The following PPP6R3 variants were observed in gnomAD, a reference collection of about 807,000 sequenced individuals.
The protein encoded by PPP6R3 is protein phosphatase 6 regulatory subunit 3.
PPP6R3 carries 38 observed loss-of-function variants against 110.7 expected under a neutral mutation model. That is an observed-to-expected ratio of 0.34 (90% CI 0.26 to 0.45). The LOEUF (loss-of-function observed/expected upper bound fraction) is 0.45, where lower values mean the gene tolerates loss of function less well. Among genes scored for constraint, PPP6R3 ranks in the 20% least tolerant of loss-of-function variants. The probability of loss-of-function intolerance (pLI) is 1.00; values close to 1 mark genes in which losing one functional copy is unlikely to be tolerated. For synonymous variants in PPP6R3, 369 were observed against 373.5 expected (o/e 0.99, Z 0.14); for missense variants, 870 against 1,062.4 (o/e 0.82, Z 2.52).
intron 22 of PPP6R3, among the ~76,000 whole-genome samples, chr11:68,604,439 T>G (rs2153952983): frequency 6.6e-6 from 1 of 152,356 alleles, no homozygotes; most frequent in East Asian, 1.9e-4. Flanking sequence ...CTAGAAAATC[T>G]AGAGTAGACT....
At chr11:68,504,486 T>C (rs2099064830) in intron 1 of PPP6R3, among the ~76,000 whole-genome samples, 1 of 152,240 alleles carries the variant, frequency 6.6e-6, no homozygotes. Context: ...ATTTCATATA[T>C]GTACTGAGTT....
rs1396110427 is a variant in PPP6R3, at chr11:68,489,898, G to A, written c.-158+29071G>A. On this transcript the variant is annotated intron_variant, in intron 1 of 23. Coordinates refer to ENST00000393800, the MANE Select transcript of PPP6R3 (RefSeq NM_001164161.2). ...AGTAATAACAAATATTTCTGATTCCGCCTTCCTGTCTCATTGTTGCCATTC... is the reference window on the plus strand; with the variant it reads ...AGTAATAACAAATATTTCTGATTCCACCTTCCTGTCTCATTGTTGCCATTC... Among the ~76,000 whole-genome samples, 4 of 151,932 alleles carry A rather than the reference G, an allele frequency of 2.6e-5. No homozygotes were observed. The East Asian group carries it at 5.8e-4, about 22-fold the overall frequency.
intron 1 of PPP6R3, among the ~76,000 whole-genome samples, chr11:68,487,423 GC>G (rs2098954870): frequency 6.6e-6 from 1 of 152,028 alleles, no homozygotes; most frequent in Non-Finnish European, 1.5e-5. Flanking sequence ...ACAAAAATTA[GC>G]CGGGGCATGG....
rs142948082 is a variant in PPP6R3, at chr11:68,501,151, A to G, written c.-157-18350A>G. Among the ~76,000 whole-genome samples, 287 of 152,160 alleles carry G rather than the reference A, an allele frequency of 1.9e-3. 1 individual carries two copies. Among genetic ancestry groups the G allele is most frequent in the African/African-American group, 6.6e-3 (272 of 41,498 alleles). ...TTCCTTCTCTTGTTGCCAGTTTTGG[A>G]GTTGTGATGAACAATATGTTAAGGG... On this transcript the variant is annotated intron_variant, in intron 1 of 23. Coordinates refer to ENST00000393800, the MANE Select transcript of PPP6R3 (RefSeq NM_001164161.2).
intron 10 of PPP6R3, among the ~76,000 whole-genome samples, chr11:68,569,014 C>A (rs1291680099): frequency 6.6e-6 from 1 of 152,156 alleles, no homozygotes; most frequent in Non-Finnish European, 1.5e-5. Context: ...CCCGCCTCGG[C>A]CTCCCAGAGT....
chr11:68,477,750 A>ATATG (rs1454908011), intron 1 of PPP6R3, among the ~76,000 whole-genome samples: 2 of 134,314 alleles, frequency 1.5e-5, no homozygotes, highest in Non-Finnish European at 3.2e-5. Flanking sequence ...AAATATATAT[A>ATATG]TATATATATA....
chr11:68,479,970 G>T (rs1232637914), intron 1 of PPP6R3, among the ~76,000 whole-genome samples: 1 of 151,882 alleles, frequency 6.6e-6, no homozygotes, highest in Non-Finnish European at 1.5e-5. Flanking sequence ...GGGCTCAAGT[G>T]ATTATCCTGC....
chr11:68,539,970 A>G (rs2099302695), intron 3 of PPP6R3, among the ~76,000 whole-genome samples: 1 of 152,234 alleles, frequency 6.6e-6, no homozygotes, highest in Admixed American at 6.5e-5. Flanking sequence ...GTGTGGAAGC[A>G]CTAATGTGCT....
chr11:68,472,327 AT>A (rs1424874122), intron 1 of PPP6R3, among the ~76,000 whole-genome samples: 2 of 152,128 alleles, frequency 1.3e-5, no homozygotes, highest in East Asian at 3.8e-4. Flanking sequence ...CAGACTGAAT[AT>A]GTCTCATTTT....
intron 1 of PPP6R3, among the ~76,000 whole-genome samples, chr11:68,476,474 G>A (rs1349702316): frequency 6.7e-6 from 1 of 148,910 alleles, no homozygotes; most frequent in Non-Finnish European, 1.5e-5. Flanking sequence ...GAGGGGGAGG[G>A]GGAGGGGGAG....
intron 1 of PPP6R3, among the ~76,000 whole-genome samples, chr11:68,475,260 G>C (rs1353842202): frequency 6.6e-6 from 1 of 152,182 alleles, no homozygotes; most frequent in Non-Finnish European, 1.5e-5. Context: ...AGCATCCCAA[G>C]GCAGAAGAAT....
At chr11:68,498,862 T>TA (rs1200515362) in intron 1 of PPP6R3, among the ~76,000 whole-genome samples, 1 of 152,210 alleles carries the variant, frequency 6.6e-6, no homozygotes, top group Non-Finnish European at 1.5e-5. Context: ...TGCTAGGGCA[T>TA]AGAGGTATAT....
chr11:68,485,912 G>A (rs2098944008), intron 1 of PPP6R3, among the ~76,000 whole-genome samples: 2 of 151,800 alleles, frequency 1.3e-5, no homozygotes, highest in Admixed American at 6.6e-5. Flanking sequence ...GCTCACACCT[G>A]TAATCTCAAC....
At chr11:68,492,680 AGGAGCT>A (rs1039166610) in intron 1 of PPP6R3, among the ~76,000 whole-genome samples, 2 of 152,126 alleles carry the variant, frequency 1.3e-5, no homozygotes, top group Non-Finnish European at 1.5e-5. Context: ...TACTTTTTTG[AGGAGCT>A]GCCATACTGT....
intron 6 of PPP6R3, among the ~76,000 whole-genome samples, chr11:68,552,337 C>T (rs574681407): frequency 6.6e-6 from 1 of 152,308 alleles, no homozygotes; most frequent in African/African-American, 2.4e-5. Flanking sequence ...ATGGAGGCTC[C>T]TCTCTCTCAC....
intron 6 of PPP6R3, among the ~76,000 whole-genome samples, chr11:68,553,760 A>G (rs2099389643): frequency 6.6e-6 from 1 of 152,126 alleles, no homozygotes. Context: ...TTTGCATTAT[A>G]CTGGTTGGGC....
At chr11:68,573,472 A>G (rs192038683) in intron 12 of PPP6R3, among the ~76,000 whole-genome samples, 2 of 152,124 alleles carry the variant, frequency 1.3e-5, no homozygotes, top group African/African-American at 4.8e-5. Context: ...AAGTGTAAAG[A>G]TTGATCATGG....
chr11:68,599,936 A>C (rs574324081), intron 19 of PPP6R3, among the ~76,000 whole-genome samples: 1 of 152,272 alleles, frequency 6.6e-6, no homozygotes, highest in Admixed American at 6.5e-5. Context: ...ATCCTGGCTA[A>C]CACAGTGAAA....
At position 68,477,739 on chromosome 11, in the gene PPP6R3, A is replaced by T. The variant is rs11606806; in HGVS notation, c.-158+16912A>T. Among the ~76,000 whole-genome samples the T allele has an allele frequency of 6.7e-3, 539 of 80,302 alleles. 3 individuals are homozygous for T. The highest frequency in any genetic ancestry group is 0.029 in the East Asian group (82 of 2,850). 52.7% of individuals were successfully genotyped at this position (80,302 alleles called of 152,430 possible). ...GAGACATTGTCTCTTAAAAAAAAAAAAAATATATATATATATATATATATA... is the reference window on the plus strand; with the variant it reads ...GAGACATTGTCTCTTAAAAAAAAAATAAATATATATATATATATATATATA... On this transcript the variant is annotated intron_variant, in intron 1 of 23. Transcript: ENST00000393800.
Sources: allele counts gnomAD v4.1 joint callset (sites outside exome capture counted in the v4.1 genomes callset), GRCh38; gene constraint gnomAD v4.1.1; transcripts MANE v1.5; gene names NCBI Gene and HGNC (gene_info 2026-07-23, HGNC 2026-07-21).